The following PES1 variants were observed in gnomAD, a reference collection of about 807,000 sequenced individuals.
The protein encoded by PES1 is pescadillo ribosomal biogenesis factor 1.
PES1 carries 31 observed loss-of-function variants against 77.1 expected under a neutral mutation model. That is an observed-to-expected ratio of 0.40 (90% CI 0.30 to 0.54). The LOEUF (loss-of-function observed/expected upper bound fraction) is 0.54, where lower values mean the gene tolerates loss of function less well. Ranked by LOEUF, PES1 falls within the 20% of genes least tolerant of loss-of-function variation. The pLI is 0.45. For synonymous variants in PES1, 282 were observed against 303.0 expected, an observed-to-expected ratio of 0.93 and a Z score of 0.72; for missense variants, 658 against 771.7, an observed-to-expected ratio of 0.85 and a Z score of 1.75.
At chr22:30,578,740 C>T (rs1485293092) in intron 14 of PES1, 97 bp downstream of exon 14, 2 of 1,348,188 alleles carry the variant, frequency 1.5e-6, no homozygotes, top group African/African-American at 1.4e-5. Flanking sequence ...AGGAGAGCCT[C>T]AGTCTGCCTA....
At chr22:30,601,648 T>C (rs952550989) in intron 2 of PES1, among the ~76,000 whole-genome samples, 1 of 152,190 alleles carries the variant, frequency 6.6e-6, no homozygotes, top group Non-Finnish European at 1.5e-5. Context: ...ATGGCTCACT[T>C]AGTTTTATCA....
chr22:30,585,104 T>C (rs924239811), intron 4 of PES1: 2 of 385,590 alleles, frequency 5.2e-6, no homozygotes, highest in Non-Finnish European at 1.1e-5. Context: ...AAATGGAAAA[T>C]GGGAAACCGA....
rs1210893249 is a variant in PES1, at chr22:30,591,746, G to T, written c.24+64C>A. 2.0e-6 allele frequency: 3 copies of T among 1,521,006 alleles called. No individual in the cohort carries two copies. The South Asian group carries it at 3.6e-5, about 18-fold the overall frequency. 94.2% of individuals were successfully genotyped at this position (1,521,006 alleles called of 1,614,324 possible). A position where few individuals can be genotyped will look rare whatever the true frequency, so the allele number is the denominator to read the frequency against. ...CGAGACGGAGCCCGGGAAAAGAGTC[G>T]ACCCCATGCTCTGCCGCCCCCGCAC... On this transcript the variant is annotated intron_variant, in intron 1 of 14. Coordinates refer to ENST00000354694, the MANE Select transcript of PES1 (RefSeq NM_014303.4).
intron 4 of PES1, among the ~76,000 whole-genome samples, chr22:30,586,464 G>A (rs1023521557): frequency 6.6e-6 from 1 of 152,186 alleles, no homozygotes. Flanking sequence ...ACATTTACCA[G>A]TCCAGGGGTT....
chr22:30,584,176 T>C (rs532071366), intron 6 of PES1, 189 bp downstream of exon 6: 14 of 606,138 alleles, frequency 2.3e-5, no homozygotes, highest in East Asian at 1.4e-4. Context: ...GGTGCTGCCA[T>C]AGGGCTAGCT....
chr22:30,598,779 A>G (rs190662228), intron 2 of PES1, among the ~76,000 whole-genome samples: 94 of 151,624 alleles, frequency 6.2e-4, no homozygotes, highest in Non-Finnish European at 1.1e-3. Context: ...ATGTGTTTAC[A>G]TATGTTGTAT....
chr22:30,605,794 G>A (rs149930711), intron 1 of PES1, among the ~76,000 whole-genome samples: 22 of 152,278 alleles, frequency 1.4e-4, no homozygotes, highest in African/African-American at 4.8e-4. Context: ...ACAGACACAC[G>A]TTGCTGTATT....
At chr22:30,606,786 C>T (rs968758149) in intron 1 of PES1, 20 of 967,662 alleles carry the variant, frequency 2.1e-5, no homozygotes, top group Admixed American at 6.2e-5. Flanking sequence ...TGAAAAACAG[C>T]TGACTCCAGC....
In PES1 at chr22:30,580,673, C is replaced by G. The variant is rs192368103; in HGVS notation, c.941G>C (p.Arg314Thr). ...CTTCTCCTGCGCCTCCAGCTCCTTCCTGCGGTCTTCCTCCTGCGCTGACAT... is the reference window on the plus strand; with the variant it reads ...CTTCTCCTGCGCCTCCAGCTCCTTCGTGCGGTCTTCCTCCTGCGCTGACAT... ...GEMSAQEEDR[R>T]KELEAQEKHK... Residue 314 changes from arginine (R) to threonine (T), a missense_variant, in exon 10 of 15, where the codon AGG becomes ACG. By Grantham distance (71) the Arg-to-Thr change is moderately conservative (BLOSUM62 -1). Coordinates refer to ENST00000354694, the MANE Select transcript of PES1 (RefSeq NM_014303.4). 8.5e-5 allele frequency: 137 copies of G among 1,613,492 alleles called. No individual in the cohort carries two copies. The highest frequency in any genetic ancestry group is 1.1e-4 in the Non-Finnish European group (135 of 1,180,016).
At chr22:30,599,320 T>C (rs1050900048) in intron 2 of PES1, among the ~76,000 whole-genome samples, 3 of 152,186 alleles carry the variant, frequency 2.0e-5, no homozygotes, top group Non-Finnish European at 4.4e-5. Context: ...TTTACATGTG[T>C]CTCTGCTAGA....
chr22:30,604,392 G>A (rs1176017665), intron 2 of PES1, among the ~76,000 whole-genome samples: 1 of 152,146 alleles, frequency 6.6e-6, no homozygotes, highest in Non-Finnish European at 1.5e-5. Context: ...CAATACTTCG[G>A]GAGGCTGAGG....
intron 2 of PES1, among the ~76,000 whole-genome samples, chr22:30,598,943 C>A (rs1452613742): frequency 1.1e-5 from 1 of 89,548 alleles, no homozygotes; most frequent in African/African-American, 4.4e-5. Context: ...GTCATCCAGG[C>A]TAGAGTGCAG....
intron 9 of PES1, 90 bp downstream of exon 9, chr22:30,580,922 C>T: frequency 8.1e-7 from 1 of 1,241,960 alleles, no homozygotes. Context: ...TCAAATAACA[C>T]CTAATTATAG....
rs753277345 is a variant in PES1, at chr22:30,580,166, C to G, written c.1056G>C (p.Gly352=). Residue 352 remains glycine (G), a synonymous_variant, in exon 11 of 15, where the codon GGG becomes GGC. Transcript: ENST00000354694. The part of the protein sequence containing the change: ...ALAFIIRSFG[G]EVSWDKSLCI... ...ACAAAGATTTGTCCCAGGACACTTC[C>G]CCACCAAAACTCCTACAGGGACAGG... is the stretch of plus-strand genomic sequence containing the variant. The G allele has an allele frequency of 5.0e-6, 8 of 1,612,746 alleles. No individual in the cohort carries two copies. The highest frequency in any genetic ancestry group is 3.4e-6 in the Non-Finnish European group (4 of 1,179,346).
chr22:30,592,256 G>C (rs1372060964), upstream of PES1: 1 of 1,005,718 alleles, frequency 9.9e-7, no homozygotes, highest in Non-Finnish European at 1.2e-6. Context: ...TGCGCGATAG[G>C]ATTGCGTTGT....
At chr22:30,606,848 C>G (rs1336178986) in exon 1 of PES1, 2 of 1,015,944 alleles carry the variant, frequency 2.0e-6, no homozygotes, top group African/African-American at 3.4e-5. Flanking sequence ...ACTCCTTGTC[C>G]TGGGCTAGGT....
intron 4 of PES1, chr22:30,586,947 C>G: frequency 3.7e-6 from 1 of 271,388 alleles, no homozygotes; most frequent in Non-Finnish European, 7.1e-6. Flanking sequence ...GGTGTCTAGC[C>G]ATGCTTCCCA....
chr22:30,597,918 C>T (rs1034468837), intron 2 of PES1, among the ~76,000 whole-genome samples: 7 of 127,040 alleles, frequency 5.5e-5, no homozygotes, highest in South Asian at 2.6e-4. Context: ...GAGTCTCACT[C>T]TGTCGCCCAG....
At chr22:30,578,156 G>A (rs1455505329) in intron 14 of PES1, among the ~76,000 whole-genome samples, 3 of 152,110 alleles carry the variant, frequency 2.0e-5, no homozygotes, top group African/African-American at 4.8e-5. Flanking sequence ...GGTGGCACAC[G>A]CCCTAATCCC....
Sources: gnomAD v4.1 joint callset for allele counts (sites outside exome capture counted in the v4.1 genomes callset) on GRCh38, gnomAD v4.1.1 for gene constraint, MANE v1.5 for transcripts, NCBI Gene and HGNC (gene_info 2026-07-23, HGNC 2026-07-21) for gene names.